Variants in MRC1 observed in about 807,000 individuals in gnomAD.
MRC1 encodes macrophage mannose receptor 1.
Under a neutral mutation model 102.9 loss-of-function variants are expected in MRC1, and 62 were observed. That is an observed-to-expected ratio of 0.60 (90% confidence interval 0.49 to 0.74). The LOEUF is 0.74. MRC1 is among the 30% of genes least tolerant of loss of function. The pLI, the probability that MRC1 is intolerant of heterozygous loss-of-function variation, is 0.00. For synonymous variants in MRC1, 457 were observed against 298.4 expected, an observed-to-expected ratio of 1.53 and a Z score of -5.48; for missense variants, 1,237 against 862.8, an observed-to-expected ratio of 1.43 and a Z score of -5.43.
intron 22 of MRC1, among the ~76,000 whole-genome samples, chr10:17,892,821 C>A (rs949267810): frequency 6.6e-6 from 1 of 151,736 alleles, no homozygotes; most frequent in Non-Finnish European, 1.5e-5. Context: ...ACCATCCTGG[C>A]CAACATGGTG....
intron 1 of MRC1, among the ~76,000 whole-genome samples, chr10:17,821,608 T>G (rs2130588056): frequency 6.6e-6 from 1 of 152,142 alleles, no homozygotes; most frequent in East Asian, 1.9e-4. Flanking sequence ...CAGAGGAGCG[T>G]GTCAGGAGAA....
intron 9 of MRC1, among the ~76,000 whole-genome samples, chr10:17,858,649 G>A (rs1409843163): frequency 6.6e-6 from 1 of 152,104 alleles, no homozygotes; most frequent in African/African-American, 2.4e-5. Context: ...TACCATGCCT[G>A]GCTAATTTTT....
At chr10:17,841,871 C>T (rs1838757840) in intron 5 of MRC1, among the ~76,000 whole-genome samples, 4 of 151,986 alleles carry the variant, frequency 2.6e-5, no homozygotes, top group South Asian at 2.1e-4. Flanking sequence ...CATTATAATA[C>T]GGTGTTCTTC....
chr10:17,836,743 G>A (rs1246031255), intron 4 of MRC1, among the ~76,000 whole-genome samples: 2 of 152,076 alleles, frequency 1.3e-5, no homozygotes, highest in African/African-American at 2.4e-5. Flanking sequence ...GGCTGAGGTA[G>A]GAGAATGGCT....
rs1200911133 is a variant in MRC1, at chr10:17,815,684, T to A, written c.61+6158T>A. ...TGTGGTCAGACCCATACTGGGTTCATATTATGTACTTTTCCAAATGGCCAG... is the reference window on the plus strand; with the variant it reads ...TGTGGTCAGACCCATACTGGGTTCAAATTATGTACTTTTCCAAATGGCCAG... On this transcript the variant is annotated intron_variant, in intron 1 of 29. Transcript: ENST00000569591. Among the ~76,000 whole-genome samples the A allele has an allele frequency of 2.6e-5, 4 of 152,344 alleles. No individual in the cohort carries two copies. The East Asian group carries it at 7.7e-4, about 29-fold the overall frequency.
intron 4 of MRC1, among the ~76,000 whole-genome samples, chr10:17,836,888 G>C (rs1838673448): frequency 6.6e-6 from 1 of 151,928 alleles, no homozygotes; most frequent in Non-Finnish European, 1.5e-5. Flanking sequence ...AAATATATCA[G>C]AGGTGCAGAG....
rs1833363165 is a variant in MRC1, at chr10:17,872,170, ACCT to A, written c.2344+48_2344+50del. The A allele has an allele frequency of 3.3e-5, 26 of 779,972 alleles. No homozygotes were observed. In the South Asian group the frequency reaches 3.5e-4, roughly 10 times the overall value. 48.3% of individuals were successfully genotyped at this position (779,972 alleles called of 1,614,324 possible). A position where few individuals can be genotyped will look rare whatever the true frequency, so the allele number is the denominator to read the frequency against. On this transcript the variant is annotated intron_variant, in intron 15 of 29. Coordinates refer to ENST00000569591, the MANE Select transcript of MRC1 (RefSeq NM_002438.4). Reference sequence around the variant, plus strand: ...TCCTTTATCTCAGCTTGGTAGACTAACCTCCTGACACCCCAGAATCTTTCCTTT... The same window carrying A: ...TCCTTTATCTCAGCTTGGTAGACTAACCTGACACCCCAGAATCTTTCCTTT...
At chr10:17,834,417 T>G (rs895637808) in intron 4 of MRC1, among the ~76,000 whole-genome samples, 9 of 152,160 alleles carry the variant, frequency 5.9e-5, no homozygotes, top group South Asian at 2.1e-4. Flanking sequence ...GTTGTGTTGT[T>G]TTGTTTTGTT....
chr10:17,815,939 G>C (rs1487356857), intron 1 of MRC1, among the ~76,000 whole-genome samples: 2 of 152,056 alleles, frequency 1.3e-5, no homozygotes, highest in East Asian at 3.9e-4. Context: ...AGATTCTCCT[G>C]CCTCAGCCCC....
chr10:17,840,621 C>T, intron 4 of MRC1, 72 bp from the exon 5 acceptor site: 1 of 774,792 alleles, frequency 1.3e-6, no homozygotes, highest in Middle Eastern at 2.6e-4. Context: ...GCACTTAGTT[C>T]TGAATTTAAT....
intron 28 of MRC1, among the ~76,000 whole-genome samples, chr10:17,908,635 C>T (rs1456845933): frequency 2.6e-5 from 4 of 151,840 alleles, no homozygotes; most frequent in African/African-American, 9.7e-5. Flanking sequence ...GTGGCGTGAT[C>T]TTGGCTCACT....
chr10:17,890,289 GT>G (rs1340862206), intron 22 of MRC1, among the ~76,000 whole-genome samples: 1 of 152,018 alleles, frequency 6.6e-6, no homozygotes, highest in Non-Finnish European at 1.5e-5. Context: ...AGTGTGATGT[GT>G]TTAGATGTTG....
chr10:17,883,706 T>A (rs1589190998), intron 21 of MRC1, among the ~76,000 whole-genome samples: 1 of 152,218 alleles, frequency 6.6e-6, no homozygotes, highest in Non-Finnish European at 1.5e-5. Context: ...TCAGCAGATG[T>A]GTTTAAGTGT....
chr10:17,901,943 G>A, intron 25 of MRC1, 30 bp from the exon 26 acceptor site: 1 of 780,738 alleles, frequency 1.3e-6, no homozygotes, highest in Non-Finnish European at 2.4e-6. Context: ...TTCAGGTTTT[G>A]CTTTATTTAA....
At chr10:17,909,393 G>T (rs1017955624) in intron 29 of MRC1, 46 bp downstream of exon 29, 2 of 833,376 alleles carry the variant, frequency 2.4e-6, no homozygotes, top group Admixed American at 1.7e-5. Flanking sequence ...TAATACATCC[G>T]TACTGTTTGT....
At chr10:17,845,093 C>T (rs1838805689) in intron 5 of MRC1, 196 bp from the exon 6 acceptor site, 2 of 775,666 alleles carry the variant, frequency 2.6e-6, no homozygotes, top group Non-Finnish European at 4.8e-6. Context: ...TGGAATGATC[C>T]AACGATAAGA....
chr10:17,826,723 A>T (rs1263403666), intron 2 of MRC1, among the ~76,000 whole-genome samples: 1 of 152,216 alleles, frequency 6.6e-6, no homozygotes, highest in Non-Finnish European at 1.5e-5. Flanking sequence ...ACCATAATCA[A>T]CAATGATTCT....
chr10:17,897,729 T>C (rs1233147675), intron 23 of MRC1, among the ~76,000 whole-genome samples: 1 of 152,236 alleles, frequency 6.6e-6, no homozygotes, highest in East Asian at 1.9e-4. Flanking sequence ...ACGGCATTTC[T>C]TTCATCAAGA....
chr10:17,900,556 C>T (rs913731792), intron 24 of MRC1, among the ~76,000 whole-genome samples: 2 of 152,048 alleles, frequency 1.3e-5, no homozygotes, highest in African/African-American at 2.4e-5. Flanking sequence ...TTTGAAATAA[C>T]TTCCAAGGAT....
Sources: gnomAD v4.1 joint callset for allele counts (sites outside exome capture counted in the v4.1 genomes callset) on GRCh38, gnomAD v4.1.1 for gene constraint, MANE v1.5 for transcripts, NCBI Gene and HGNC (gene_info 2026-07-23, HGNC 2026-07-21) for gene names.